Variants in MBD5 observed in about 807,000 individuals in gnomAD.
The protein encoded by MBD5 is methyl-CpG-binding domain protein 5.
A neutral mutation model predicts 117.3 loss-of-function variants in MBD5; 13 were observed. The observed-to-expected ratio is 0.11, with a 90% CI of 0.07 to 0.18. MBD5 has a LOEUF of 0.18. MBD5 is among the 10% of genes least tolerant of loss of function. The probability of loss-of-function intolerance (pLI) is 1.00; values close to 1 mark genes in which losing one functional copy is unlikely to be tolerated. For missense variants in MBD5, 1,879 were observed against 2,093.8 expected (o/e 0.90, Z 2.00); for synonymous variants, 727 against 766.4 (o/e 0.95, Z 0.85).
intron 4 of MBD5, among the ~76,000 whole-genome samples, chr2:148,361,967 G>A (rs928372467): frequency 5.3e-5 from 8 of 152,210 alleles, no homozygotes; most frequent in African/African-American, 1.2e-4. Flanking sequence ...CAGATACTAC[G>A]CTTTTCCCAT....
intron 4 of MBD5, among the ~76,000 whole-genome samples, chr2:148,421,979 G>T (rs891609472): frequency 2.6e-5 from 4 of 152,200 alleles, no homozygotes; most frequent in Admixed American, 6.5e-5. Flanking sequence ...CACAGCACCT[G>T]GGGGAAGGGG....
intron 1 of MBD5, among the ~76,000 whole-genome samples, chr2:148,149,068 T>A (rs1208175281): frequency 6.6e-6 from 1 of 151,708 alleles, no homozygotes; most frequent in African/African-American, 2.4e-5. Context: ...TAGGTATATC[T>A]CCCAATGCTA....
At position 148,424,478 on chromosome 2, in the gene MBD5, G is replaced by A. The variant is rs547758377; in HGVS notation, c.-556-33725G>A. Among the ~76,000 whole-genome samples, 71 of 151,866 alleles carry A rather than the reference G, an allele frequency of 4.7e-4. 1 individual carries two copies. Among genetic ancestry groups the A allele is most frequent in the African/African-American group, 1.6e-3 (66 of 41,406 alleles). On this transcript the variant is annotated intron_variant, in intron 4 of 13. Transcript: ENST00000642680. Reference sequence around the variant, plus strand: ...CTGTCAGCACTAGACAGACCAACGAGACAGAAAATTAACAAGGATATTCAG... The same window carrying A: ...CTGTCAGCACTAGACAGACCAACGAAACAGAAAATTAACAAGGATATTCAG...
At chr2:148,439,065 C>A (rs75570887) in intron 4 of MBD5, among the ~76,000 whole-genome samples, 18,516 of 152,216 alleles carry the variant, frequency 0.12, 1,524 homozygotes, top group Middle Eastern at 0.19. Flanking sequence ...CACTTAATTT[C>A]CAAATAAAGA....
intron 3 of MBD5, among the ~76,000 whole-genome samples, chr2:148,244,591 T>C (rs143748128): frequency 1.4e-4 from 22 of 152,328 alleles, no homozygotes; most frequent in African/African-American, 5.3e-4. Context: ...TGCTTAGGAA[T>C]TAGTATTTAC....
chr2:148,446,026 A>G (rs1001768598), intron 4 of MBD5, among the ~76,000 whole-genome samples: 39 of 150,384 alleles, frequency 2.6e-4, no homozygotes, highest in Admixed American at 2.4e-3. Context: ...TAGATTCTGG[A>G]TATTAGCCCT....
chr2:148,296,287 A>G (rs1169797179), intron 3 of MBD5: 1 of 176,988 alleles, frequency 5.7e-6, no homozygotes, highest in Non-Finnish European at 1.2e-5. Context: ...TTAAGAACCC[A>G]TGGGTATCTT....
intron 2 of MBD5, among the ~76,000 whole-genome samples, chr2:148,194,812 A>AGG (rs1698932382): frequency 6.6e-6 from 1 of 152,048 alleles, no homozygotes; most frequent in Non-Finnish European, 1.5e-5. Flanking sequence ...AGATGGAATA[A>AGG]GTAGAAAACA....
chr2:148,397,565 G>A (rs533091840), intron 4 of MBD5, among the ~76,000 whole-genome samples: 11 of 152,128 alleles, frequency 7.2e-5, no homozygotes, highest in African/African-American at 2.6e-4. Flanking sequence ...TACTGACCTC[G>A]TGATCCACCC....
At chr2:148,486,931 T>C (rs1681357715) in intron 10 of MBD5, among the ~76,000 whole-genome samples, 1 of 152,232 alleles carries the variant, frequency 6.6e-6, no homozygotes, top group South Asian at 2.1e-4. Flanking sequence ...GCTCAGCTTC[T>C]GTGTATTAAT....
At chr2:148,223,329 G>C (rs1220729652) in intron 2 of MBD5, among the ~76,000 whole-genome samples, 1 of 152,042 alleles carries the variant, frequency 6.6e-6, no homozygotes, top group African/African-American at 2.4e-5. Context: ...AGTAGTTTGA[G>C]TAGTATTGGT....
rs2105126495 is a variant in MBD5, at chr2:148,489,754, T to C, written c.4122T>C (p.Ser1374=). The C allele has an allele frequency of 6.2e-7, 1 of 1,614,182 alleles. No individual in the cohort carries two copies. The highest frequency in any genetic ancestry group is 8.5e-7 in the Non-Finnish European group (1 of 1,180,028). Residue 1374 remains serine, a synonymous_variant, in exon 11 of 14, where the codon AGT becomes AGC. Transcript: ENST00000642680. The stretch of plus-strand genomic sequence containing the variant: ...CATTAAATCTCTCCAGTGCTGTCAG[T>C]GCGGTCATTCATGGACGGAACATGG... ...GDPLNLSSAV[S]AVIHGRNMGG... is the part of the protein sequence containing the mutation.
intron 1 of MBD5, among the ~76,000 whole-genome samples, chr2:148,125,459 T>A (rs1696866672): frequency 6.6e-6 from 1 of 152,248 alleles, no homozygotes; most frequent in African/African-American, 2.4e-5. Context: ...TTTACCTTTT[T>A]AAATTTATTC....
rs369721351 is a variant in MBD5, at chr2:148,447,141, GAGAA to G, written c.-556-11053_-556-11050del. On this transcript the variant is annotated intron_variant, in intron 4 of 13. Transcript: ENST00000642680. ...AAAGAAAGAAAAAGAAAGAGAGAGA[GAGAA>G]AGAAAGAAGGAAAGAAAGGAAGAAA... 4.3e-3 allele frequency among the ~76,000 whole-genome samples: 526 copies of G among 123,002 alleles called. 3 individuals are homozygous for G. The highest frequency in any genetic ancestry group is 0.015 in the African/African-American group (495 of 33,976). The allele number at this position is 123,002 out of a possible 152,430, so 80.7% of individuals were successfully genotyped here.
intron 5 of MBD5, 40 bp downstream of exon 5, chr2:148,458,911 A>G: frequency 1.3e-6 from 2 of 1,491,660 alleles, no homozygotes; most frequent in South Asian, 1.1e-5. Flanking sequence ...GCAAAGTTGT[A>G]CTCCAAAGAC....
At chr2:148,335,969 A>T (rs1317898894) in intron 3 of MBD5, among the ~76,000 whole-genome samples, 1 of 152,210 alleles carries the variant, frequency 6.6e-6, no homozygotes, top group East Asian at 1.9e-4. Flanking sequence ...TTTATTTCAA[A>T]GTTAATGCTC....
chr2:148,389,251 CATATATAT>C (rs70995314), intron 4 of MBD5, among the ~76,000 whole-genome samples: 2,016 of 32,172 alleles, frequency 0.063, 233 homozygotes, highest in Middle Eastern at 0.096. Flanking sequence ...GAAAAAAAAA[CATATATAT>C]ATATATATAT....
intron 3 of MBD5, among the ~76,000 whole-genome samples, chr2:148,287,249 A>C (rs1333872743): frequency 6.6e-6 from 1 of 152,210 alleles, no homozygotes; most frequent in African/African-American, 2.4e-5. Flanking sequence ...GAAATCCCAC[A>C]TCTTTCCCAA....
chr2:148,151,076 GT>G (rs1189803066), intron 1 of MBD5, among the ~76,000 whole-genome samples: 2 of 146,956 alleles, frequency 1.4e-5, no homozygotes, highest in Non-Finnish European at 3.0e-5. Context: ...TTGGCTGTGG[GT>G]TTGTCATAGA....
Sources: gnomAD v4.1 joint callset for allele counts (sites outside exome capture counted in the v4.1 genomes callset) on GRCh38, gnomAD v4.1.1 for gene constraint, MANE v1.5 for transcripts, NCBI Gene and HGNC (gene_info 2026-07-23, HGNC 2026-07-21) for gene names.